The following NFIC variants were observed in gnomAD, a reference collection of about 807,000 sequenced individuals.
NFIC encodes nuclear factor I C.
In NFIC, 12 loss-of-function variants were observed where a neutral mutation model predicts 54.4. The observed-to-expected ratio is 0.22, with a 90% CI of 0.14 to 0.36. The LOEUF (loss-of-function observed/expected upper bound fraction) is 0.36. Among genes scored for constraint, NFIC ranks in the 10% least tolerant of loss-of-function variants. The pLI, the probability that NFIC is intolerant of heterozygous loss-of-function variation, is 1.00. For missense variants in NFIC, 575 were observed against 718.2 expected, an observed-to-expected ratio of 0.80 and a Z score of 2.28; for synonymous variants, 322 against 319.2, an observed-to-expected ratio of 1.01 and a Z score of -0.09.
rs2082663080 is a variant in NFIC at position 3,462,955 on chromosome 19, G to T, written c.*186G>T. On this transcript the variant is annotated 3_prime_UTR_variant, in exon 11 of 11. Coordinates refer to ENST00000443272, the MANE Select transcript of NFIC (RefSeq NM_001245002.2). ...ACTCAGGAGGAAAAGAAAAAACAAAGGCAGAAGAAGAAGAAGAAGAAATAA... is the reference window on the plus strand; with the variant it reads ...ACTCAGGAGGAAAAGAAAAAACAAATGCAGAAGAAGAAGAAGAAGAAATAA... 7.0e-7 allele frequency: 1 copy of T among 1,424,028 alleles called. No homozygotes were observed. Among genetic ancestry groups the T allele is most frequent in the African/African-American group, 1.5e-5 (1 of 68,522 alleles). 88.2% of individuals were successfully genotyped at this position (1,424,028 alleles called of 1,614,324 possible). A position where few individuals can be genotyped will look rare whatever the true frequency, so the allele number is the denominator to read the frequency against.
chr19:3,381,699 C>G lies in NFIC; in HGVS notation c.31-13C>G. ...CCCTGGCGCTCCTGACCTCTCGCCTCTCCGGCCTGCAGGATGAGTTCCACC... is the reference window on the plus strand; with the variant it reads ...CCCTGGCGCTCCTGACCTCTCGCCTGTCCGGCCTGCAGGATGAGTTCCACC... On this transcript the variant is annotated splice_polypyrimidine_tract_variant and intron_variant, in intron 1 of 10. Coordinates refer to ENST00000443272, the MANE Select transcript of NFIC (RefSeq NM_001245002.2). 6.2e-7 allele frequency: 1 copy of G among 1,612,692 alleles called. No individual in the cohort carries two copies.
At position 3,467,267 on chromosome 19, in the gene NFIC, T is replaced by A. The variant is rs1311716471; in HGVS notation, c.*4498T>A. The stretch of plus-strand genomic sequence containing the variant: ...GGTCTGCCCATGCTGTGGGAAAGAA[T>A]AGGGAGGCCTCCCAAATATATGCAA... On this transcript the variant is annotated 3_prime_UTR_variant, in exon 11 of 11. Transcript: ENST00000443272. 1 of 118,346 alleles carries A rather than the reference T, an allele frequency of 8.4e-6. No individual in the cohort carries two copies. The highest frequency in any genetic ancestry group is 3.3e-5 in the African/African-American group (1 of 30,346). 7.3% of individuals were successfully genotyped at this position (118,346 alleles called of 1,614,324 possible).
chr19:3,430,794 C>T (rs1198714220), intron 3 of NFIC, among the ~76,000 whole-genome samples: 1 of 151,788 alleles, frequency 6.6e-6, no homozygotes, highest in East Asian at 2.0e-4. Flanking sequence ...TAGACAGGCA[C>T]TGTGGCAGGT....
chr19:3,418,170 C>T (rs2081898105), intron 2 of NFIC, among the ~76,000 whole-genome samples: 1 of 149,204 alleles, frequency 6.7e-6, no homozygotes. Context: ...TCCATCATAA[C>T]TCACTGCAAC....
intron 2 of NFIC, among the ~76,000 whole-genome samples, chr19:3,400,792 A>C (rs912117008): frequency 6.6e-6 from 1 of 152,234 alleles, no homozygotes; most frequent in African/African-American, 2.4e-5. Flanking sequence ...CAGTGAGCCG[A>C]GATTGTACCA....
In NFIC at chr19:3,465,433, A is replaced by G. The variant is rs2082706385; in HGVS notation, c.*2664A>G. ...AAAAAATAAGAAAGTGAGAATCTAA[A>G]AAAAAAAAAAAAAAAAAAAAAGGAA... On this transcript the variant is annotated 3_prime_UTR_variant, in exon 11 of 11. Transcript: ENST00000443272. 1 of 93,742 alleles carries G rather than the reference A, an allele frequency of 1.1e-5. No homozygotes were observed. The highest frequency in any genetic ancestry group is 1.4e-4 in the African/African-American group (1 of 6,980). 5.8% of individuals were successfully genotyped at this position (93,742 alleles called of 1,614,324 possible).
chr19:3,393,686 G>A (rs1326379715), intron 2 of NFIC, among the ~76,000 whole-genome samples: 1 of 151,210 alleles, frequency 6.6e-6, no homozygotes, highest in Non-Finnish European at 1.5e-5. Context: ...GTGGTGGCGC[G>A]AACCTGTAAT....
Position 3,366,681 on chromosome 19 carries a change from C to A in NFIC, c.30+15C>A. ...GCCTCACCCAGGTACGGTCCTCGCC[C>A]GGCCCCCCGCCGGCGCCCCCGCGCC... is the stretch of plus-strand genomic sequence containing the variant. On this transcript the variant is annotated intron_variant, in intron 1 of 10. Transcript: ENST00000443272. 7.1e-7 allele frequency: 1 copy of A among 1,401,840 alleles called. No homozygotes were observed. Among genetic ancestry groups the A allele is most frequent in the African/African-American group, 1.5e-5 (1 of 66,750 alleles). The allele number at this position is 1,401,840 out of a possible 1,614,324, so 86.8% of individuals were successfully genotyped here.
upstream of NFIC, chr19:3,366,538 G>GT: frequency 3.5e-6 from 2 of 572,540 alleles, no homozygotes; most frequent in Non-Finnish European, 5.5e-6. Context: ...GCGGGGCGGG[G>GT]GGGGGGGTTG....
intron 9 of NFIC, chr19:3,454,297 G>A: frequency 9.5e-7 from 1 of 1,048,210 alleles, no homozygotes; most frequent in Non-Finnish European, 1.2e-6. Context: ...TCTTTTGTTT[G>A]TGGAGAAAGA....
intron 2 of NFIC, among the ~76,000 whole-genome samples, chr19:3,397,248 G>A (rs190701254): frequency 1.3e-5 from 2 of 152,332 alleles, no homozygotes; most frequent in East Asian, 3.9e-4. Context: ...ACATAGCTAA[G>A]GAGCACAGTC....
intron 6 of NFIC, among the ~76,000 whole-genome samples, chr19:3,445,105 A>G (rs557065360): frequency 2.5e-4 from 38 of 152,138 alleles, no homozygotes; most frequent in African/African-American, 8.4e-4. Context: ...TCACATGCGT[A>G]CACACACATG....
intron 6 of NFIC, 38 bp downstream of exon 6, chr19:3,435,245 C>A: frequency 6.5e-7 from 1 of 1,530,378 alleles, no homozygotes; most frequent in South Asian, 1.2e-5. Flanking sequence ...GCCTTCCGGT[C>A]TGAGTCACCG....
In NFIC at chr19:3,466,872, C is replaced by T. The variant is rs1235418425; in HGVS notation, c.*4103C>T. On this transcript the variant is annotated 3_prime_UTR_variant, in exon 11 of 11. Coordinates refer to ENST00000443272, the MANE Select transcript of NFIC (RefSeq NM_001245002.2). The surrounding 1 kb of genome is among the most constrained non-coding windows in gnomAD (Gnocchi z 4.8). ...CACTTGGCACCTTGGCTGAGTACAG[C>T]AGGCAAAAGCCCATACCAGGCAGCA... The T allele has an allele frequency of 2.6e-5, 4 of 152,240 alleles. No homozygotes were observed. The highest frequency in any genetic ancestry group is 9.7e-5 in the African/African-American group (4 of 41,434). The allele number at this position is 152,240 out of a possible 1,614,324, so 9.4% of individuals were successfully genotyped here.
chr19:3,458,309 G>GCTCCCTGCCC lies in NFIC; in HGVS notation c.1509+1677_1509+1686dup, dbSNP rs1332914922. On this transcript the variant is annotated intron_variant, in intron 10 of 10. Coordinates refer to ENST00000443272, the MANE Select transcript of NFIC (RefSeq NM_001245002.2). This position sits in a 1 kb window ranked among gnomAD's most constrained non-coding sequence, Gnocchi z 4.1. ...ACCTCTGCCACCCCCACCCCACATC[G>GCTCCCTGCCC]CTCCCTGCCCCTGCGGGAGGCTGGG... Among the ~76,000 whole-genome samples the GCTCCCTGCCC allele has an allele frequency of 1.3e-5, 2 of 151,830 alleles. No homozygotes were observed. Among genetic ancestry groups the GCTCCCTGCCC allele is most frequent in the Non-Finnish European group, 2.9e-5 (2 of 67,942 alleles).
In NFIC at chr19:3,434,305, C is replaced by A; in HGVS notation, c.738C>A (p.Asn246Lys). 3.1e-6 allele frequency: 5 copies of A among 1,612,982 alleles called. No homozygotes were observed. Among genetic ancestry groups the A allele is most frequent in the Non-Finnish European group, 3.4e-6 (4 of 1,179,908 alleles). ...RTPVVTGTGP[N>K]FSLGELQGHL... is the part of the protein sequence containing the mutation. Reference sequence around the variant, plus strand: ...CCGTGGTGACTGGAACAGGACCCAACTTCTCCCTGGGGGAGCTGCAGGGGC... The same window carrying A: ...CCGTGGTGACTGGAACAGGACCCAAATTCTCCCTGGGGGAGCTGCAGGGGC... The change falls in exon 5 of 11, where the codon AAC (asparagine) becomes AAA (lysine). Residue 246 changes from asparagine (N) to lysine (K), a missense_variant. Coordinates refer to ENST00000443272, the MANE Select transcript of NFIC (RefSeq NM_001245002.2).
intron 2 of NFIC, among the ~76,000 whole-genome samples, chr19:3,400,888 C>T (rs1013278097): frequency 2.0e-5 from 3 of 152,002 alleles, no homozygotes; most frequent in Admixed American, 6.6e-5. Context: ...GTCAGTTTAG[C>T]GATAAGGACT....
chr19:3,402,598 A>G (rs1036922724), intron 2 of NFIC, among the ~76,000 whole-genome samples: 8 of 152,220 alleles, frequency 5.3e-5, no homozygotes, highest in African/African-American at 1.9e-4. Context: ...TCACTAAGCA[A>G]CTAAGCAAAT....
rs370082450 is a variant in NFIC, at chr19:3,379,673, C to CTTTTTT, written c.31-2021_31-2016dup. Among the ~76,000 whole-genome samples, 160 of 102,504 alleles carry CTTTTTT rather than the reference C, an allele frequency of 1.6e-3. 1 individual carries two copies. Among genetic ancestry groups the CTTTTTT allele is most frequent in the African/African-American group, 4.5e-3 (96 of 21,472 alleles). 67.2% of individuals were successfully genotyped at this position (102,504 alleles called of 152,430 possible). A position where few individuals can be genotyped will look rare whatever the true frequency, so the allele number is the denominator to read the frequency against. On this transcript the variant is annotated intron_variant, in intron 1 of 10. Coordinates refer to ENST00000443272, the MANE Select transcript of NFIC (RefSeq NM_001245002.2). ...ATTTTTCATTTTTTTTTATTTCTTT[C>CTTTTTT]TTTTTTTTTTTTTTTTTTTTTTTGA...
Sources: gnomAD v4.1 joint callset for allele counts (sites outside exome capture counted in the v4.1 genomes callset) on GRCh38, gnomAD v4.1.1 for gene constraint, Gnocchi (gnomAD v3.1) non-coding constraint, MANE v1.5 for transcripts, NCBI Gene and HGNC (gene_info 2026-07-23, HGNC 2026-07-21) for gene names.